The following ZSWIM6 variants were observed in gnomAD, a reference collection of about 807,000 sequenced individuals.
The protein encoded by ZSWIM6 is zinc finger SWIM domain-containing protein 6.
Under a neutral mutation model 113.2 loss-of-function variants are expected in ZSWIM6, and 9 were observed. That is an observed-to-expected ratio of 0.08 (90% CI 0.05 to 0.14). The LOEUF (loss-of-function observed/expected upper bound fraction) is 0.14, where lower values mean the gene tolerates loss of function less well. Among genes scored for constraint, ZSWIM6 ranks in the 10% least tolerant of loss-of-function variants. The pLI is 1.00. For missense variants in ZSWIM6, 1,162 were observed against 1,552.2 expected (o/e 0.75, Z 4.22); for synonymous variants, 611 against 606.5 (o/e 1.01, Z -0.11).
chr5:61,416,897 G>A (rs1480508966), intron 1 of ZSWIM6, among the ~76,000 whole-genome samples: 1 of 152,246 alleles, frequency 6.6e-6, no homozygotes, highest in Admixed American at 6.5e-5. Flanking sequence ...CACTTCGGGA[G>A]GCCGAGGCAA....
At chr5:61,391,403 G>A (rs570922542) in intron 1 of ZSWIM6, 14 of 919,458 alleles carry the variant, frequency 1.5e-5, no homozygotes, top group South Asian at 9.1e-5. Context: ...ATGACTTGGC[G>A]GTACTTCTTC....
rs1175715023 is a variant in ZSWIM6, at chr5:61,496,898, C to T, written c.1333+2488C>T. ...TTTTTAAAGTTGTAATGCAAAACAA[C>T]CTTTTATTGCTTCTCATGTGCCACG... On this transcript the variant is annotated intron_variant, in intron 4 of 13. Transcript: ENST00000252744. Among the ~76,000 whole-genome samples, 8 of 152,210 alleles carry T rather than the reference C, an allele frequency of 5.3e-5. No homozygotes were observed. The East Asian group carries it at 1.5e-3, about 29-fold the overall frequency.
chr5:61,507,509 T>C (rs1165163127), intron 4 of ZSWIM6, among the ~76,000 whole-genome samples: 7 of 152,150 alleles, frequency 4.6e-5, no homozygotes, highest in Non-Finnish European at 1.0e-4. Flanking sequence ...AATCTCAAGG[T>C]TTTCAGAGAA....
chr5:61,355,431 AACACACACACACACACACACACACACAC>A (rs34072520), intron 1 of ZSWIM6, among the ~76,000 whole-genome samples: 221 of 127,682 alleles, frequency 1.7e-3, no homozygotes, highest in Middle Eastern at 3.8e-3. Context: ...GAGACTTTAA[AACACACACACACACACACACACACACAC>A]ACACACACAC....
intron 1 of ZSWIM6, among the ~76,000 whole-genome samples, chr5:61,438,718 C>T (rs1387997738): frequency 6.6e-6 from 1 of 152,138 alleles, no homozygotes; most frequent in Non-Finnish European, 1.5e-5. Flanking sequence ...AAATAGTACG[C>T]TTTCTCTGCA....
At chr5:61,449,995 C>T (rs896579880) in intron 1 of ZSWIM6, among the ~76,000 whole-genome samples, 1 of 152,156 alleles carries the variant, frequency 6.6e-6, no homozygotes, top group Non-Finnish European at 1.5e-5. Flanking sequence ...TTTGGACTGA[C>T]CCTGCTGAAT....
intron 4 of ZSWIM6, among the ~76,000 whole-genome samples, chr5:61,512,895 G>A (rs1561272289): frequency 6.6e-6 from 1 of 151,712 alleles, no homozygotes; most frequent in Non-Finnish European, 1.5e-5. Flanking sequence ...CTTCCCCCGA[G>A]CTTATGCATA....
In ZSWIM6 at chr5:61,544,599, A is replaced by G. The variant is rs1308236970; in HGVS notation, c.*282A>G. The G allele has an allele frequency of 6.0e-6, 1 of 167,064 alleles. No homozygotes were observed. The highest frequency in any genetic ancestry group is 1.3e-5 in the Non-Finnish European group (1 of 78,606). The allele number at this position is 167,064 out of a possible 1,614,324, so 10.3% of individuals were successfully genotyped here. A position where few individuals can be genotyped will look rare whatever the true frequency, so the allele number is the denominator to read the frequency against. ...TAAAAAGGTTTGGTTTACACTGAGT[A>G]TATGTTGTCAAGTGGCAAAAGTCCA... is the stretch of plus-strand genomic sequence containing the variant. On this transcript the variant is annotated 3_prime_UTR_variant, in exon 14 of 14. Transcript: ENST00000252744.
intron 1 of ZSWIM6, among the ~76,000 whole-genome samples, chr5:61,426,506 G>A (rs1387497803): frequency 6.6e-6 from 1 of 152,044 alleles, no homozygotes; most frequent in African/African-American, 2.4e-5. Context: ...CATACAGACA[G>A]CACAGCTGTC....
At chr5:61,394,188 T>C (rs1023549712) in intron 1 of ZSWIM6, among the ~76,000 whole-genome samples, 1 of 152,220 alleles carries the variant, frequency 6.6e-6, no homozygotes, top group African/African-American at 2.4e-5. Flanking sequence ...AAAAGAAAAT[T>C]CCCATCCTTT....
At chr5:61,423,613 T>C (rs757669976) in intron 1 of ZSWIM6, among the ~76,000 whole-genome samples, 1 of 152,194 alleles carries the variant, frequency 6.6e-6, no homozygotes, top group Non-Finnish European at 1.5e-5. Context: ...GCAAGTGATA[T>C]TGCTACAAAT....
intron 1 of ZSWIM6, chr5:61,391,550 C>T: frequency 5.1e-6 from 5 of 977,440 alleles, no homozygotes; most frequent in Non-Finnish European, 8.3e-6. Context: ...CTGATGTGCT[C>T]AGCGAAGACA....
Position 61,541,983 on chromosome 5 carries a change from C to A in ZSWIM6, c.2785+18C>A. On this transcript the variant is annotated intron_variant, in intron 13 of 13. Transcript: ENST00000252744. ...TGAAGTCGGTAGGTAAACTCTGGAA[C>A]AGAAGCTTTCCTAGGTGCCTCATGG... The A allele has an allele frequency of 6.5e-7, 1 of 1,545,760 alleles. No individual in the cohort carries two copies. The highest frequency in any genetic ancestry group is 8.8e-7 in the Non-Finnish European group (1 of 1,141,920).
chr5:61,432,210 A>G (rs1028555186), intron 1 of ZSWIM6, among the ~76,000 whole-genome samples: 2 of 152,230 alleles, frequency 1.3e-5, no homozygotes, highest in African/African-American at 4.8e-5. Flanking sequence ...AAAACATTAA[A>G]TTAAACTTCG....
intron 2 of ZSWIM6, among the ~76,000 whole-genome samples, chr5:61,482,202 C>T (rs1325279973): frequency 2.0e-5 from 3 of 152,126 alleles, no homozygotes; most frequent in Non-Finnish European, 4.4e-5. Context: ...CATTGTAATG[C>T]ATGTAATCAA....
At chr5:61,424,880 A>G (rs1393545042) in intron 1 of ZSWIM6, among the ~76,000 whole-genome samples, 1 of 151,888 alleles carries the variant, frequency 6.6e-6, no homozygotes, top group Admixed American at 6.6e-5. Context: ...GGCGCCCGCC[A>G]CCACGCCCGT....
intron 1 of ZSWIM6, among the ~76,000 whole-genome samples, chr5:61,341,873 CTTTTTTTTTT>C (rs35227918): frequency 1.1e-5 from 1 of 94,702 alleles, no homozygotes; most frequent in East Asian, 3.1e-4. Context: ...TCTCTGTAAC[CTTTTTTTTTT>C]TTTTTTTTTT....
intron 1 of ZSWIM6, among the ~76,000 whole-genome samples, chr5:61,412,777 A>G (rs1429162756): frequency 3.9e-5 from 6 of 152,158 alleles, no homozygotes; most frequent in Non-Finnish European, 7.4e-5. Flanking sequence ...ATTTCCTCTC[A>G]TTAAGCCTGG....
chr5:61,479,607 C>T (rs370015358), intron 2 of ZSWIM6, among the ~76,000 whole-genome samples: 10 of 152,190 alleles, frequency 6.6e-5, no homozygotes, highest in African/African-American at 1.7e-4. Context: ...CCCACAATGG[C>T]GTTTCTCATA....
Sources: allele counts gnomAD v4.1 joint callset (sites outside exome capture counted in the v4.1 genomes callset), GRCh38; gene constraint gnomAD v4.1.1; transcripts MANE v1.5; gene names NCBI Gene and HGNC (gene_info 2026-07-23, HGNC 2026-07-21).